PSD3: variants seen among roughly 807,000 people sequenced by gnomAD.
PSD3 encodes PH and SEC7 domain-containing protein 3.
PSD3 carries 49 observed loss-of-function variants against 105.5 expected under a neutral mutation model. The ratio of observed to expected loss-of-function variants is 0.46; its 90% CI spans 0.37 to 0.59. The LOEUF is 0.59. PSD3 is among the 20% of genes least tolerant of loss of function. PSD3 has a pLI of 0.00. For missense variants in PSD3, 1,561 were observed against 1,263.8 expected (o/e 1.24, Z -3.57); for synonymous variants, 557 against 457.8 (o/e 1.22, Z -2.77).
intron 1 of PSD3, among the ~76,000 whole-genome samples, chr8:18,978,838 C>G (rs1825094584): frequency 6.6e-6 from 1 of 152,086 alleles, no homozygotes; most frequent in South Asian, 2.1e-4. Context: ...TCTCTTTCAA[C>G]CTCTCTCCCT....
At chr8:19,047,898 AC>A (rs1295525595) in intron 1 of PSD3, among the ~76,000 whole-genome samples, 1 of 151,380 alleles carries the variant, frequency 6.6e-6, no homozygotes, top group African/African-American at 2.4e-5. Flanking sequence ...GATGATGCCT[AC>A]TCACAGCTAG....
Position 18,973,194 on chromosome 8 carries a change from A to G in PSD3, c.22-37052T>C, listed in dbSNP as rs1034031778. 2.0e-5 allele frequency among the ~76,000 whole-genome samples: 3 copies of G among 152,220 alleles called. No homozygotes were observed. In the South Asian group the frequency reaches 6.2e-4, roughly 32 times the overall value. On this transcript the variant is annotated intron_variant, in intron 1 of 15. Transcript: ENST00000327040. ...ATTTTGAAAAGAACACTGACACGTG[A>G]AAGTATTGAGACAAGGGTGACAATG...
At chr8:18,821,794 A>G (rs2632853) in intron 4 of PSD3, among the ~76,000 whole-genome samples, 67,404 of 144,828 alleles carry the variant, frequency 0.47, 15,537 homozygotes, top group East Asian at 0.78. Context: ...TTTTGATTTT[A>G]AGTCATAATT....
At chr8:18,633,917 C>T (rs576455460) in intron 10 of PSD3, among the ~76,000 whole-genome samples, 1 of 152,280 alleles carries the variant, frequency 6.6e-6, no homozygotes, top group East Asian at 1.9e-4. Context: ...TGCAGCCCCA[C>T]TGGCATCTGT....
intron 1 of PSD3, among the ~76,000 whole-genome samples, chr8:19,006,294 CAAAAAAAA>C (rs58023537): frequency 1.2e-5 from 1 of 80,826 alleles, no homozygotes; most frequent in African/African-American, 3.6e-5. Context: ...AACTCCATCT[CAAAAAAAA>C]AAAAAAAAAA....
intron 2 of PSD3, among the ~76,000 whole-genome samples, chr8:18,922,551 A>G (rs1350869346): frequency 6.6e-6 from 1 of 152,190 alleles, no homozygotes; most frequent in Non-Finnish European, 1.5e-5. Flanking sequence ...TCAATTCTGC[A>G]GGATACACCA....
chr8:19,003,753 G>A (rs1023121633), intron 1 of PSD3, among the ~76,000 whole-genome samples: 1 of 151,900 alleles, frequency 6.6e-6, no homozygotes, highest in Non-Finnish European at 1.5e-5. Flanking sequence ...AGGGGGTGGG[G>A]GGTTGGGGAC....
chr8:18,668,523 C>T (rs746097334), intron 9 of PSD3, among the ~76,000 whole-genome samples: 6 of 152,128 alleles, frequency 3.9e-5, no homozygotes, highest in African/African-American at 1.4e-4. Flanking sequence ...AGTATTATTC[C>T]CACTCTAGAA....
chr8:18,874,716 A>C (rs925146627), intron 2 of PSD3, among the ~76,000 whole-genome samples: 1 of 151,274 alleles, frequency 6.6e-6, no homozygotes, highest in African/African-American at 2.4e-5. Context: ...AAAAAAAAAA[A>C]AAAAAAAAAT....
intron 14 of PSD3, among the ~76,000 whole-genome samples, chr8:18,562,148 G>C (rs1419879071): frequency 6.6e-6 from 1 of 152,186 alleles, no homozygotes; most frequent in Non-Finnish European, 1.5e-5. Context: ...CGCCCATACA[G>C]CAGGCACTGT....
chr8:19,053,205 C>A (rs925038529), intron 1 of PSD3, among the ~76,000 whole-genome samples: 1 of 152,024 alleles, frequency 6.6e-6, no homozygotes, highest in Non-Finnish European at 1.5e-5. Context: ...GTCTATGGCG[C>A]ACAGGGGATG....
chr8:18,908,671 G>C (rs1230178090), intron 2 of PSD3, among the ~76,000 whole-genome samples: 2 of 152,152 alleles, frequency 1.3e-5, no homozygotes, highest in Non-Finnish European at 2.9e-5. Context: ...ATCTGTTCAT[G>C]AGATTCGTAC....
chr8:18,782,806 G>C (rs1808767808), intron 8 of PSD3, among the ~76,000 whole-genome samples: 2 of 152,222 alleles, frequency 1.3e-5, no homozygotes, highest in South Asian at 4.1e-4. Flanking sequence ...GGGGTACAAA[G>C]GGCCTAGTGG....
intron 2 of PSD3, among the ~76,000 whole-genome samples, chr8:18,883,239 AT>A (rs58655835): frequency 2.0e-5 from 3 of 152,136 alleles, no homozygotes; most frequent in Non-Finnish European, 2.9e-5. Context: ...CTACTTTTTT[AT>A]TTTAAAAGAG....
At chr8:18,846,267 T>C (rs1815083363) in intron 4 of PSD3, among the ~76,000 whole-genome samples, 2 of 152,186 alleles carry the variant, frequency 1.3e-5, no homozygotes, top group African/African-American at 4.8e-5. Context: ...AACAGTGATA[T>C]TCCCTGCTAA....
At chr8:18,693,516 C>A (rs12542633) in intron 9 of PSD3, among the ~76,000 whole-genome samples, 2,629 of 152,292 alleles carry the variant, frequency 0.017, 83 homozygotes, top group Admixed American at 0.066. Context: ...AAAACAACAT[C>A]CTGCTTTAGC....
At chr8:18,703,766 A>G (rs1479273730) in intron 9 of PSD3, among the ~76,000 whole-genome samples, 1 of 152,202 alleles carries the variant, frequency 6.6e-6, no homozygotes, top group Non-Finnish European at 1.5e-5. Flanking sequence ...ATGAGAATAT[A>G]TAACACTAAG....
At chr8:19,077,722 A>G (rs1408515446) in intron 1 of PSD3, among the ~76,000 whole-genome samples, 2 of 152,212 alleles carry the variant, frequency 1.3e-5, no homozygotes, top group African/African-American at 4.8e-5. Flanking sequence ...TTTGTAATAT[A>G]TTAGGATCAA....
At chr8:18,545,024 T>G (rs943832793) in intron 15 of PSD3, among the ~76,000 whole-genome samples, 3 of 152,170 alleles carry the variant, frequency 2.0e-5, no homozygotes, top group Non-Finnish European at 4.4e-5. Context: ...CTGTTGTCTT[T>G]GTGGAGAAGA....
Sources: gnomAD v4.1 joint callset for allele counts (sites outside exome capture counted in the v4.1 genomes callset) on GRCh38, gnomAD v4.1.1 for gene constraint, MANE v1.5 for transcripts, NCBI Gene and HGNC (gene_info 2026-07-23, HGNC 2026-07-21) for gene names.